The following GTF2IRD1 variants were observed in gnomAD, a reference collection of about 807,000 sequenced individuals.
The protein encoded by GTF2IRD1 is general transcription factor II-I repeat domain-containing protein 1.
Under a neutral mutation model 113.2 loss-of-function variants are expected in GTF2IRD1, and 26 were observed. That is an observed-to-expected ratio of 0.23 (90% CI 0.17 to 0.32). The LOEUF (loss-of-function observed/expected upper bound fraction) is 0.32. Ranked by LOEUF, GTF2IRD1 falls within the 10% of genes least tolerant of loss-of-function variation. The pLI, the probability that GTF2IRD1 is intolerant of heterozygous loss-of-function variation, is 1.00. For missense variants in GTF2IRD1, 864 were observed against 1,280.8 expected (o/e 0.67, Z 4.97); for synonymous variants, 484 against 529.1 (o/e 0.91, Z 1.17).
intron 22 of GTF2IRD1, among the ~76,000 whole-genome samples, chr7:74,562,182 A>G (rs1274681880): frequency 1.3e-5 from 2 of 152,198 alleles, no homozygotes; most frequent in African/African-American, 4.8e-5. Context: ...GGCCTGGGCC[A>G]GCACCGGCAG....
chr7:74,495,797 CA>C (rs1206977332), intron 1 of GTF2IRD1, among the ~76,000 whole-genome samples: 1 of 152,204 alleles, frequency 6.6e-6, no homozygotes, highest in African/African-American at 2.4e-5. Context: ...AAGGCCCACC[CA>C]GGGGCCTGCA....
chr7:74,540,011 TC>T, intron 14 of GTF2IRD1, 43 bp downstream of exon 14: 1 of 1,429,134 alleles, frequency 7.0e-7, no homozygotes, highest in Non-Finnish European at 9.9e-7. Context: ...GACTCAGCTC[TC>T]CAGGGAGCAA....
intron 1 of GTF2IRD1, among the ~76,000 whole-genome samples, chr7:74,496,680 G>A (rs2129744987): frequency 6.6e-6 from 1 of 152,102 alleles, no homozygotes; most frequent in South Asian, 2.1e-4. Context: ...ATGCATGTGT[G>A]TGTTGACTTG....
At position 74,460,481 on chromosome 7, in the gene GTF2IRD1, A is replaced by C. The variant is rs1054979412; in HGVS notation, c.-7+6305A>C. ...AGGCTGGTCTCAAGCTCCTGGCCTC[A>C]AGCGATCCTCCCACCTCAGCTTCCC... is the stretch of plus-strand genomic sequence containing the variant. On this transcript the variant is annotated intron_variant, in intron 1 of 26. Transcript: ENST00000424337. 1.3e-4 allele frequency among the ~76,000 whole-genome samples: 20 copies of C among 151,924 alleles called. No individual in the cohort carries two copies. The East Asian group carries it at 3.1e-3, about 24-fold the overall frequency.
intron 22 of GTF2IRD1, among the ~76,000 whole-genome samples, chr7:74,569,927 A>G (rs1369183448): frequency 6.6e-6 from 1 of 152,140 alleles, no homozygotes; most frequent in Non-Finnish European, 1.5e-5. Flanking sequence ...GCCTCTCAGA[A>G]GCGTGGAGCT....
Position 74,511,790 on chromosome 7 carries a change from G to A in GTF2IRD1, c.124-1040G>A, listed in dbSNP as rs535074705. 1.3e-3 allele frequency among the ~76,000 whole-genome samples: 195 copies of A among 152,280 alleles called. 2 individuals are homozygous for A. The highest frequency in any genetic ancestry group is 2.4e-3 in the Non-Finnish European group (166 of 68,028). On this transcript the variant is annotated intron_variant, in intron 2 of 26. Coordinates refer to ENST00000424337, the MANE Select transcript of GTF2IRD1 (RefSeq NM_005685.4). Reference sequence around the variant, plus strand: ...AAACCAGCATTTATTAGACACAACTGCCTGCCACAGGCTTCACAGTCAGGG... The same window carrying A: ...AAACCAGCATTTATTAGACACAACTACCTGCCACAGGCTTCACAGTCAGGG...
At chr7:74,595,152 T>C in intron 25 of GTF2IRD1, 101 bp downstream of exon 25, 1 of 749,672 alleles carries the variant, frequency 1.3e-6, no homozygotes, top group Non-Finnish European at 2.2e-6. Flanking sequence ...ATGCCTGTAA[T>C]CCCAGCACTT....
chr7:74,469,640 T>C (rs1195460805), intron 1 of GTF2IRD1, among the ~76,000 whole-genome samples: 2 of 152,202 alleles, frequency 1.3e-5, no homozygotes, highest in Admixed American at 6.6e-5. Context: ...TAATATTCCA[T>C]TTAATGGATA....
intron 9 of GTF2IRD1, among the ~76,000 whole-genome samples, chr7:74,533,126 A>G (rs1356855558): frequency 6.9e-6 from 1 of 144,816 alleles, no homozygotes; most frequent in East Asian, 2.0e-4. Flanking sequence ...TAGAGGTTCC[A>G]TGCATCATTT....
rs782371875 is a variant in GTF2IRD1 at position 74,595,086 on chromosome 7, C to T, written c.2629+35C>T. On this transcript the variant is annotated intron_variant, in intron 25 of 26. Transcript: ENST00000424337. ...AGGTGAAGAAGCCACCCTTCTGCTC[C>T]GTGGGGACTAGAGACTGTTCCATTT... 20 of 1,506,028 alleles carry T rather than the reference C, an allele frequency of 1.3e-5. 1 individual carries two copies. The highest frequency in any genetic ancestry group is 1.7e-4 in the Middle Eastern group (1 of 5,794). 93.3% of individuals were successfully genotyped at this position (1,506,028 alleles called of 1,614,324 possible). A position where few individuals can be genotyped will look rare whatever the true frequency, so the allele number is the denominator to read the frequency against.
chr7:74,589,180 G>A (rs782217414), intron 22 of GTF2IRD1, among the ~76,000 whole-genome samples: 2 of 152,058 alleles, frequency 1.3e-5, no homozygotes, highest in Non-Finnish European at 2.9e-5. Flanking sequence ...GAAACATAGC[G>A]AGACTCCATC....
intron 7 of GTF2IRD1, among the ~76,000 whole-genome samples, 179 bp downstream of exon 7, chr7:74,521,476 C>T (rs1218978593): frequency 6.6e-6 from 1 of 152,044 alleles, no homozygotes; most frequent in African/African-American, 2.4e-5. Flanking sequence ...GATAAACTAC[C>T]CCAAACTAGG....
intron 22 of GTF2IRD1, 49 bp from the exon 23 acceptor site, chr7:74,589,802 G>C (rs370342039): frequency 1.7e-6 from 2 of 1,185,416 alleles, no homozygotes; most frequent in Non-Finnish European, 2.5e-6. Flanking sequence ...AGCAGGTCCA[G>C]TGGCTAAGCT....
intron 22 of GTF2IRD1, 124 bp downstream of exon 22, chr7:74,559,779 C>T: frequency 1.4e-6 from 1 of 735,872 alleles, no homozygotes; most frequent in East Asian, 3.4e-5. Flanking sequence ...AGGCCCCTGC[C>T]TTTCTTTTTT....
chr7:74,505,379 G>A (rs1469767775), intron 1 of GTF2IRD1, among the ~76,000 whole-genome samples: 1 of 152,146 alleles, frequency 6.6e-6, no homozygotes, highest in Non-Finnish European at 1.5e-5. Context: ...GGGAGTGGCT[G>A]TCTCTCTCCA....
intron 1 of GTF2IRD1, among the ~76,000 whole-genome samples, chr7:74,504,039 G>A (rs782266979): frequency 1.8e-4 from 28 of 152,124 alleles, no homozygotes; most frequent in Non-Finnish European, 1.6e-4. Context: ...GTTAATTTGC[G>A]TAGGATAATG....
At chr7:74,602,319 C>T (rs782271738) in intron 26 of GTF2IRD1, 46 bp from the exon 27 acceptor site, 14 of 1,593,434 alleles carry the variant, frequency 8.8e-6, no homozygotes, top group African/African-American at 1.3e-5. Context: ...GGGTTTGTTC[C>T]GCATCACCTG....
chr7:74,598,336 C>T (rs1802546370), intron 25 of GTF2IRD1, among the ~76,000 whole-genome samples: 2 of 151,960 alleles, frequency 1.3e-5, no homozygotes, highest in South Asian at 4.2e-4. Flanking sequence ...CGCGGTGGCT[C>T]ACGCCTGTAA....
chr7:74,498,547 A>C (rs1488056068), intron 1 of GTF2IRD1, among the ~76,000 whole-genome samples: 1 of 151,022 alleles, frequency 6.6e-6, no homozygotes, highest in Admixed American at 6.6e-5. Flanking sequence ...ACTCCTATTC[A>C]CTCTTGAAAA....
Sources: allele counts gnomAD v4.1 joint callset (sites outside exome capture counted in the v4.1 genomes callset), GRCh38; gene constraint gnomAD v4.1.1; transcripts MANE v1.5; gene names NCBI Gene and HGNC (gene_info 2026-07-23, HGNC 2026-07-21).